Variants in DOCK4 observed in about 807,000 individuals in gnomAD.
The protein encoded by DOCK4 is dedicator of cytokinesis 4.
In DOCK4, 97 loss-of-function variants were observed where a neutral mutation model predicts 268.1. That is an observed-to-expected ratio of 0.36 (90% confidence interval 0.31 to 0.43). The LOEUF (loss-of-function observed/expected upper bound fraction) is 0.43. Among genes scored for constraint, DOCK4 ranks in the 20% least tolerant of loss-of-function variants. The pLI is 1.00. For synonymous variants in DOCK4, 954 were observed against 887.2 expected (o/e 1.08, Z -1.34); for missense variants, 2,145 against 2,455.7 (o/e 0.87, Z 2.67).
intron 25 of DOCK4, among the ~76,000 whole-genome samples, chr7:111,843,212 G>C (rs771842270): frequency 6.6e-6 from 1 of 152,116 alleles, no homozygotes; most frequent in Non-Finnish European, 1.5e-5. Flanking sequence ...TAGGCAAAAA[G>C]AGTCAAAAGC....
chr7:111,863,126 G>A, intron 23 of DOCK4: 2 of 478,966 alleles, frequency 4.2e-6, no homozygotes, highest in South Asian at 2.1e-5. Flanking sequence ...CTCTGAAGGA[G>A]TGTTAAATCC....
chr7:111,829,300 A>C (rs1338922910), intron 26 of DOCK4, among the ~76,000 whole-genome samples: 3 of 152,184 alleles, frequency 2.0e-5, no homozygotes, highest in Non-Finnish European at 4.4e-5. Flanking sequence ...AAGTTTATTA[A>C]AGTTTAGGGA....
At chr7:111,856,732 G>A (rs573418711) in intron 23 of DOCK4, among the ~76,000 whole-genome samples, 1 of 152,170 alleles carries the variant, frequency 6.6e-6, no homozygotes, top group Non-Finnish European at 1.5e-5. Flanking sequence ...GAACCAGAGG[G>A]GAATACGGGT....
intron 26 of DOCK4, among the ~76,000 whole-genome samples, chr7:111,826,991 T>C (rs185346875): frequency 2.6e-5 from 4 of 152,234 alleles, no homozygotes; most frequent in Non-Finnish European, 5.9e-5. Flanking sequence ...TCATGAAACA[T>C]GAGTTAAGAC....
At chr7:111,891,257 TAA>T (rs1380372055) in intron 16 of DOCK4, among the ~76,000 whole-genome samples, 2 of 151,766 alleles carry the variant, frequency 1.3e-5, no homozygotes, top group Non-Finnish European at 2.9e-5. Context: ...AATATGAAAA[TAA>T]AAAGTCATTA....
At chr7:112,167,990 T>C (rs1460500553) in intron 1 of DOCK4, among the ~76,000 whole-genome samples, 3 of 151,938 alleles carry the variant, frequency 2.0e-5, no homozygotes, top group Non-Finnish European at 4.4e-5. Flanking sequence ...ACATCTAAAT[T>C]AAAATTTGAA....
chr7:111,863,888 T>C (rs1325495753), intron 22 of DOCK4, among the ~76,000 whole-genome samples: 2 of 152,166 alleles, frequency 1.3e-5, no homozygotes, highest in Non-Finnish European at 1.5e-5. Flanking sequence ...AACCAAGACC[T>C]GGATTGTAGT....
intron 12 of DOCK4, among the ~76,000 whole-genome samples, chr7:111,916,757 CTTT>C (rs748431496): frequency 6.6e-6 from 1 of 151,910 alleles, no homozygotes; most frequent in African/African-American, 2.4e-5. Context: ...TTCATTCCTT[CTTT>C]GTTTATCTTC....
intron 23 of DOCK4, among the ~76,000 whole-genome samples, chr7:111,851,852 C>A (rs1171925686): frequency 6.6e-6 from 1 of 151,852 alleles, no homozygotes; most frequent in Admixed American, 6.6e-5. Flanking sequence ...CAATTTTATC[C>A]TATATCTATA....
intron 12 of DOCK4, among the ~76,000 whole-genome samples, chr7:111,918,878 A>AT (rs1035934017): frequency 3.3e-5 from 5 of 152,200 alleles, no homozygotes; most frequent in African/African-American, 1.2e-4. Context: ...AGATCCTGTA[A>AT]TTTTTGCAAG....
intron 1 of DOCK4, among the ~76,000 whole-genome samples, chr7:112,049,254 GAA>G: frequency 1.3e-5 from 2 of 152,264 alleles, no homozygotes; most frequent in East Asian, 3.9e-4. Flanking sequence ...ACAAAGGCTT[GAA>G]GGAGAGAAAT....
chr7:111,769,505 C>A (rs1797980400), intron 37 of DOCK4, 24 bp downstream of exon 37: 2 of 1,612,522 alleles, frequency 1.2e-6, no homozygotes, highest in Non-Finnish European at 8.5e-7. Flanking sequence ...CAGGAGGGAC[C>A]CCGGGCGGGG....
At chr7:112,131,164 C>T (rs1366602116) in intron 1 of DOCK4, among the ~76,000 whole-genome samples, 4 of 152,172 alleles carry the variant, frequency 2.6e-5, no homozygotes, top group Admixed American at 6.5e-5. Flanking sequence ...TAATCTAAAA[C>T]TCACAGCATG....
chr7:112,166,101 A>G (rs949329655), intron 1 of DOCK4, among the ~76,000 whole-genome samples: 7 of 152,190 alleles, frequency 4.6e-5, no homozygotes, highest in African/African-American at 1.7e-4. Context: ...TGCCATATCT[A>G]TAAGAGGCAA....
chr7:111,790,481 C>G lies in DOCK4; in HGVS notation c.3291G>C (p.Gln1097His). The G allele has an allele frequency of 6.2e-7, 1 of 1,613,924 alleles. No individual in the cohort carries two copies. The highest frequency in any genetic ancestry group is 8.5e-7 in the Non-Finnish European group (1 of 1,179,852). Reference protein sequence around the residue: ...PIFHDMMDWEQRRSGNFKQVE... With the variant: ...PIFHDMMDWEHRRSGNFKQVE... ...CCTGTTTAAAGTTGCCACTCCGCCT[C>G]TGCTCCCAGTCCATCATATCATGAA... The change falls in exon 31 of 53, where the codon CAG (glutamine) becomes CAC (histidine). Residue 1097 changes from glutamine (Q) to histidine (H), a missense_variant. Physicochemically the swap from Gln to His is conservative, Grantham distance 24. Transcript: ENST00000428084.
chr7:112,049,225 T>C (rs1435915110), intron 1 of DOCK4, among the ~76,000 whole-genome samples: 1 of 152,174 alleles, frequency 6.6e-6, no homozygotes, highest in East Asian at 1.9e-4. Flanking sequence ...CTTATATAAA[T>C]ACAGTGTACG....
chr7:112,008,014 A>C (rs565250539), intron 1 of DOCK4, among the ~76,000 whole-genome samples: 1 of 152,338 alleles, frequency 6.6e-6, no homozygotes, highest in African/African-American at 2.4e-5. Flanking sequence ...GGTTTACCAA[A>C]GATGCCTATA....
chr7:111,741,266 T>C, intron 46 of DOCK4, 52 bp from the exon 47 acceptor site: 1 of 1,606,304 alleles, frequency 6.2e-7, no homozygotes, highest in Non-Finnish European at 8.5e-7. Flanking sequence ...AATTGTACTT[T>C]ATCATGTGCT....
intron 23 of DOCK4, among the ~76,000 whole-genome samples, chr7:111,855,882 A>G (rs1404935325): frequency 6.6e-6 from 1 of 152,220 alleles, no homozygotes; most frequent in African/African-American, 2.4e-5. Context: ...TGTCCATAAT[A>G]AATATTTGTT....
Sources: gnomAD v4.1 joint callset for allele counts (sites outside exome capture counted in the v4.1 genomes callset) on GRCh38, gnomAD v4.1.1 for gene constraint, MANE v1.5 for transcripts, NCBI Gene and HGNC (gene_info 2026-07-23, HGNC 2026-07-21) for gene names.